CELF2: variants seen among roughly 807,000 people sequenced by gnomAD.
CELF2 encodes the protein CUGBP Elav-like family member 2.
A neutral mutation model predicts 62.6 loss-of-function variants in CELF2; 8 were observed. The ratio of observed to expected loss-of-function variants is 0.13; its 90% CI spans 0.07 to 0.23. The LOEUF is 0.23. Among genes scored for constraint, CELF2 ranks in the 10% least tolerant of loss-of-function variants. The pLI, the probability that CELF2 is intolerant of heterozygous loss-of-function variation, is 1.00. For synonymous variants in CELF2, 258 were observed against 250.0 expected (o/e 1.03, Z -0.30); for missense variants, 333 against 671.0 (o/e 0.50, Z 5.56).
At position 11,145,994 on chromosome 10, in the gene CELF2, G is replaced by A. The variant is rs1002036504; in HGVS notation, c.75-19492G>A. ...GTACTCTCCTCTGGTACTTTTAGAC[G>A]GTGTAAAACATTTCACTAAATCCTT... On this transcript the variant is annotated intron_variant, in intron 1 of 12. Transcript: ENST00000633077. This position sits in a 1 kb window ranked among gnomAD's most constrained non-coding sequence, Gnocchi z 4.3. Among the ~76,000 whole-genome samples, 3 of 151,988 alleles carry A rather than the reference G, an allele frequency of 2.0e-5. No individual in the cohort carries two copies. Among genetic ancestry groups the A allele is most frequent in the African/African-American group, 7.3e-5 (3 of 41,358 alleles).
At chr10:10,647,222 C>G in the CELF2 span, among the ~76,000 whole-genome samples, 7 of 152,144 alleles carry the variant, frequency 4.6e-5, no homozygotes, top group Admixed American at 4.6e-4. Flanking sequence ...CATTCCTCCT[C>G]CAGTCTCAAC....
At chr10:11,262,670 G>A (rs60324945) in intron 5 of CELF2, among the ~76,000 whole-genome samples, 2,144 of 152,264 alleles carry the variant, frequency 0.014, 46 homozygotes, top group African/African-American at 0.047. Context: ...GCCCATCAGA[G>A]TATTAATTCT....
the CELF2 span, among the ~76,000 whole-genome samples, chr10:10,653,122 G>A: frequency 6.6e-6 from 1 of 152,066 alleles, no homozygotes. Context: ...GACAAAGAAG[G>A]CCACTACATA....
the CELF2 span, among the ~76,000 whole-genome samples, chr10:10,770,144 G>A: frequency 6.6e-5 from 10 of 152,236 alleles, no homozygotes; most frequent in South Asian, 4.2e-4. Context: ...GATGCGGTGC[G>A]ATTAGCTGGC....
At chr10:10,943,953 C>A (rs913637959) in intron 2 of CELF2, among the ~76,000 whole-genome samples, 1 of 152,132 alleles carries the variant, frequency 6.6e-6, no homozygotes, top group Non-Finnish European at 1.5e-5. Flanking sequence ...GAGGGTGGAC[C>A]AGCCATGCCT....
the CELF2 span, among the ~76,000 whole-genome samples, chr10:10,694,363 T>A: frequency 6.6e-6 from 1 of 150,990 alleles, no homozygotes; most frequent in Non-Finnish European, 1.5e-5. Flanking sequence ...TTGATTGCAC[T>A]GTGGTCTGAG....
At chr10:11,203,219 C>G (rs1388182549) in intron 2 of CELF2, among the ~76,000 whole-genome samples, 1 of 152,052 alleles carries the variant, frequency 6.6e-6, no homozygotes, top group African/African-American at 2.4e-5. Context: ...CAGACAAAAC[C>G]CAGTGGCTGC....
chr10:10,815,999 G>A lies in CELF2; in HGVS notation c.53+17182G>A, dbSNP rs533385233. On this transcript the variant is annotated intron_variant, in intron 1 of 13. Coordinates refer to the CELF2 transcript ENST00000636488. ...ACGATGTTTTATCTTCGTGAAAACA[G>A]TGAATGTTTTTTGACTTGTGGTAAC... 1.3e-4 allele frequency among the ~76,000 whole-genome samples: 19 copies of A among 149,998 alleles called. No individual in the cohort carries two copies. The South Asian group carries it at 1.3e-3, about 10-fold the overall frequency.
the CELF2 span, among the ~76,000 whole-genome samples, chr10:10,678,794 C>T: frequency 2.0e-5 from 3 of 152,146 alleles, no homozygotes; most frequent in Non-Finnish European, 4.4e-5. Context: ...AGTTATAGTT[C>T]TCTGTTAGGA....
chr10:10,783,414 C>T, the CELF2 span, among the ~76,000 whole-genome samples: 1 of 152,162 alleles, frequency 6.6e-6, no homozygotes, highest in African/African-American at 2.4e-5. Flanking sequence ...ATGCCTGAGG[C>T]TACCAGAAGC....
the CELF2 span, among the ~76,000 whole-genome samples, chr10:10,691,595 A>G: frequency 5.5e-4 from 83 of 152,138 alleles, 1 homozygote; most frequent in African/African-American, 1.9e-3. Flanking sequence ...GACTTCCACA[A>G]TGGTTGAATC....
the CELF2 span, among the ~76,000 whole-genome samples, chr10:10,596,815 C>T: frequency 6.6e-6 from 1 of 152,236 alleles, no homozygotes; most frequent in Non-Finnish European, 1.5e-5. Flanking sequence ...GCTCTGAAAT[C>T]TGTGGGAGTG....
At chr10:10,660,815 A>G in the CELF2 span, among the ~76,000 whole-genome samples, 1 of 152,198 alleles carries the variant, frequency 6.6e-6, no homozygotes, top group Non-Finnish European at 1.5e-5. Flanking sequence ...AGAATCAACA[A>G]TCTTTCTCTA....
intron 1 of CELF2, among the ~76,000 whole-genome samples, chr10:11,103,487 ATTT>A (rs3054364): frequency 8.4e-6 from 1 of 119,748 alleles, no homozygotes; most frequent in Non-Finnish European, 1.7e-5. Context: ...TTGTAGCCTG[ATTT>A]TTTTTTTTTT....
intron 1 of CELF2, among the ~76,000 whole-genome samples, chr10:11,088,936 C>T (rs1301527400): frequency 6.6e-6 from 1 of 152,208 alleles, no homozygotes; most frequent in African/African-American, 2.4e-5. Context: ...GAGCTGGTGA[C>T]TGAAGCACAT....
At chr10:11,150,303 G>A (rs1177843983) in intron 1 of CELF2, among the ~76,000 whole-genome samples, 2 of 152,186 alleles carry the variant, frequency 1.3e-5, no homozygotes, top group East Asian at 3.8e-4. Context: ...GTTACTTTGT[G>A]ACGCCCCTCC....
chr10:10,866,834 C>T (rs891612489), intron 1 of CELF2, among the ~76,000 whole-genome samples: 5 of 149,644 alleles, frequency 3.3e-5, no homozygotes, highest in Admixed American at 2.7e-4. Flanking sequence ...GCAGGAGAAT[C>T]GCTTGAACCC....
At chr10:10,857,381 T>G (rs1010697796) in intron 1 of CELF2, among the ~76,000 whole-genome samples, 4 of 151,820 alleles carry the variant, frequency 2.6e-5, no homozygotes, top group Non-Finnish European at 5.9e-5. Flanking sequence ...GAATTACTTC[T>G]CAGTAGTGGG....
chr10:11,136,182 C>T (rs976626127), intron 1 of CELF2, among the ~76,000 whole-genome samples: 1 of 152,120 alleles, frequency 6.6e-6, no homozygotes, highest in Non-Finnish European at 1.5e-5. Context: ...ATCAACTAGC[C>T]AAATAGCAAA....
Sources: allele counts gnomAD v4.1 joint callset (sites outside exome capture counted in the v4.1 genomes callset), GRCh38; gene constraint gnomAD v4.1.1; non-coding constraint Gnocchi (gnomAD v3.1); transcripts MANE v1.5; gene names NCBI Gene and HGNC (gene_info 2026-07-23, HGNC 2026-07-21).